TMEFF2: variants seen among roughly 807,000 people sequenced by gnomAD.
TMEFF2 encodes tomoregulin-2.
TMEFF2 carries 28 observed loss-of-function variants against 53.8 expected under a neutral mutation model. The observed-to-expected ratio is 0.52, with a 90% confidence interval of 0.39 to 0.71. TMEFF2 has a LOEUF of 0.71. Among genes scored for constraint, TMEFF2 ranks in the 30% least tolerant of loss-of-function variants. TMEFF2 has a pLI of 0.00. For synonymous variants in TMEFF2, 162 were observed against 166.3 expected, an observed-to-expected ratio of 0.97 and a Z score of 0.20; for missense variants, 353 against 455.2, an observed-to-expected ratio of 0.78 and a Z score of 2.04.
intron 4 of TMEFF2, among the ~76,000 whole-genome samples, chr2:192,083,297 A>T (rs1688595537): frequency 6.6e-6 from 1 of 152,142 alleles, no homozygotes; most frequent in South Asian, 2.1e-4. Flanking sequence ...AGTTCTCTCC[A>T]TCAGGTGATC....
chr2:192,033,960 G>A (rs1201591991), intron 5 of TMEFF2, among the ~76,000 whole-genome samples: 1 of 152,074 alleles, frequency 6.6e-6, no homozygotes, highest in East Asian at 1.9e-4. Context: ...CAGATCACGA[G>A]GTCAGGAGAT....
At chr2:192,128,723 CAG>C (rs571390131) in intron 4 of TMEFF2, among the ~76,000 whole-genome samples, 48 of 152,266 alleles carry the variant, frequency 3.2e-4, no homozygotes, top group African/African-American at 1.2e-3. Flanking sequence ...CTGAAGCTTT[CAG>C]AGAGATGAGA....
chr2:192,113,361 T>C (rs1190714586), intron 4 of TMEFF2, among the ~76,000 whole-genome samples: 1 of 152,182 alleles, frequency 6.6e-6, no homozygotes, highest in East Asian at 1.9e-4. Flanking sequence ...AAAAGGTAAA[T>C]TATTTTTTAT....
At chr2:191,990,869 A>G (rs1444197730) in intron 7 of TMEFF2, among the ~76,000 whole-genome samples, 1 of 152,006 alleles carries the variant, frequency 6.6e-6, no homozygotes, top group Non-Finnish European at 1.5e-5. Flanking sequence ...TCCATATACT[A>G]CATTCCTTTT....
chr2:191,996,550 C>A (rs559490475), intron 7 of TMEFF2, among the ~76,000 whole-genome samples: 1 of 151,696 alleles, frequency 6.6e-6, no homozygotes, highest in African/African-American at 2.4e-5. Flanking sequence ...TTTTATTTTT[C>A]ATTATTATCT....
chr2:192,175,104 T>C (rs1308488367), intron 4 of TMEFF2, among the ~76,000 whole-genome samples: 1 of 151,734 alleles, frequency 6.6e-6, no homozygotes, highest in African/African-American at 2.4e-5. Context: ...TCCATGAGTG[T>C]AAAGAACTGT....
intron 5 of TMEFF2, 116 bp downstream of exon 5, chr2:192,057,563 C>G: frequency 3.2e-6 from 3 of 951,606 alleles, no homozygotes; most frequent in Middle Eastern, 2.8e-4. Flanking sequence ...CACTTGGGAA[C>G]TGAATAAGAA....
intron 5 of TMEFF2, among the ~76,000 whole-genome samples, chr2:192,054,977 TGTCTTGGAGA>T (rs1687866733): frequency 1.6e-5 from 1 of 63,662 alleles, no homozygotes; most frequent in Non-Finnish European, 5.9e-5. Flanking sequence ...ATGTCTTAAA[TGTCTTGGAGA>T]ATGGAGCTAT....
chr2:192,029,913 G>A (rs1163502149), intron 5 of TMEFF2, among the ~76,000 whole-genome samples: 1 of 152,142 alleles, frequency 6.6e-6, no homozygotes, highest in Non-Finnish European at 1.5e-5. Flanking sequence ...AACAAAGCTG[G>A]ATTCTATACC....
chr2:192,068,530 A>C (rs139360754), intron 4 of TMEFF2, among the ~76,000 whole-genome samples: 2 of 152,000 alleles, frequency 1.3e-5, no homozygotes, highest in African/African-American at 4.8e-5. Context: ...AATAAATAAG[A>C]AGTCCCTGGT....
At chr2:192,081,565 T>A (rs887927778) in intron 4 of TMEFF2, among the ~76,000 whole-genome samples, 2 of 152,198 alleles carry the variant, frequency 1.3e-5, no homozygotes, top group African/African-American at 4.8e-5. Flanking sequence ...ATAAGTATTA[T>A]TTTTTAAAAT....
intron 4 of TMEFF2, among the ~76,000 whole-genome samples, chr2:192,138,869 T>C (rs1690072187): frequency 6.6e-6 from 1 of 152,216 alleles, no homozygotes; most frequent in South Asian, 2.1e-4. Context: ...TTTTAGGTAA[T>C]TCCATTGAAA....
chr2:192,016,938 CA>C (rs1196231166), intron 5 of TMEFF2, among the ~76,000 whole-genome samples: 1 of 151,994 alleles, frequency 6.6e-6, no homozygotes, highest in Non-Finnish European at 1.5e-5. Flanking sequence ...GAGGAAAAGA[CA>C]AAAAAATTAA....
At chr2:192,062,838 A>G (rs1688077131) in intron 4 of TMEFF2, among the ~76,000 whole-genome samples, 1 of 151,782 alleles carries the variant, frequency 6.6e-6, no homozygotes, top group African/African-American at 2.4e-5. Context: ...TGTATTTTCC[A>G]TGCCTGCCCT....
intron 4 of TMEFF2, among the ~76,000 whole-genome samples, chr2:192,167,868 T>C (rs867854193): frequency 5.9e-5 from 9 of 152,114 alleles, no homozygotes; most frequent in Middle Eastern, 3.2e-3. Flanking sequence ...AGTAGAAGAG[T>C]GGCTTCCGTG....
At chr2:192,106,018 G>A (rs936345417) in intron 4 of TMEFF2, among the ~76,000 whole-genome samples, 18 of 151,792 alleles carry the variant, frequency 1.2e-4, no homozygotes, top group African/African-American at 4.3e-4. Flanking sequence ...GTCTTGGGAA[G>A]AACACTTGCA....
Position 192,057,795 on chromosome 2 carries a change from T to C in TMEFF2, c.440-20A>G, listed in dbSNP as rs1241922228. The C allele has an allele frequency of 8.8e-6, 14 of 1,582,570 alleles. No homozygotes were observed. Among genetic ancestry groups the C allele is most frequent in the Non-Finnish European group, 1.1e-5 (13 of 1,151,684 alleles). On this transcript the variant is annotated intron_variant, in intron 4 of 9. Transcript: ENST00000272771. ...CATGGACTGTAGGACAGAAAAACAG[T>C]AAAAGGAATTCAGGTAATTGTGCAT... is the stretch of plus-strand genomic sequence containing the variant.
At chr2:192,025,620 G>A (rs1686953849) in intron 5 of TMEFF2, among the ~76,000 whole-genome samples, 1 of 151,536 alleles carries the variant, frequency 6.6e-6, no homozygotes, top group Non-Finnish European at 1.5e-5. Flanking sequence ...GAAGAGATCT[G>A]TAGATGTGCC....
chr2:191,966,096 A>G (rs1476929159), intron 7 of TMEFF2, among the ~76,000 whole-genome samples: 5 of 152,222 alleles, frequency 3.3e-5, no homozygotes, highest in African/African-American at 4.8e-5. Context: ...AGGTTTCTCT[A>G]CTGATATTGG....
Sources: gnomAD v4.1 joint callset for allele counts (sites outside exome capture counted in the v4.1 genomes callset) on GRCh38, gnomAD v4.1.1 for gene constraint, MANE v1.5 for transcripts, NCBI Gene and HGNC (gene_info 2026-07-23, HGNC 2026-07-21) for gene names.